RAB3IL1: variants seen among roughly 807,000 people sequenced by gnomAD.
RAB3IL1 encodes the protein RAB3A interacting protein like 1.
Under a neutral mutation model 49.2 loss-of-function variants are expected in RAB3IL1, and 37 were observed. The observed-to-expected ratio is 0.75, with a 90% CI of 0.58 to 0.99. The LOEUF (loss-of-function observed/expected upper bound fraction) is 0.99, where lower values mean the gene tolerates loss of function less well. Among genes scored for constraint, RAB3IL1 ranks in the 50% least tolerant of loss-of-function variants. The pLI, the probability that RAB3IL1 is intolerant of heterozygous loss-of-function variation, is 0.00. For missense variants in RAB3IL1, 484 were observed against 513.0 expected (o/e 0.94, Z 0.55); for synonymous variants, 193 against 213.9 (o/e 0.90, Z 0.85).
chr11:61,899,402 G>A, intron 8 of RAB3IL1, 22 bp from the exon 9 acceptor site: 4 of 1,604,666 alleles, frequency 2.5e-6, no homozygotes, highest in East Asian at 2.2e-5. Flanking sequence ...GGTGGGGACG[G>A]TGTGACCTGC....
intron 5 of RAB3IL1, 25 bp from the exon 6 acceptor site, chr11:61,904,907 G>T: frequency 1.3e-6 from 2 of 1,548,136 alleles, no homozygotes; most frequent in Non-Finnish European, 1.8e-6. Context: ...AAGCGAGGGT[G>T]GGGGCGGTCA....
chr11:61,907,202 C>T (rs892207234), intron 4 of RAB3IL1, among the ~76,000 whole-genome samples, 191 bp downstream of exon 4: 1 of 152,220 alleles, frequency 6.6e-6, no homozygotes, highest in African/African-American at 2.4e-5. Context: ...ACTGATGGAG[C>T]CCCGGGACAC....
At position 61,906,830 on chromosome 11, in the gene RAB3IL1, C is replaced by A; in HGVS notation, c.439-146G>T. Reference sequence around the variant, plus strand: ...GACGCCCTCAGAACAGCCTTCGAGGCAGAGACCCAGACACTCGTTTTACAC... The same window carrying A: ...GACGCCCTCAGAACAGCCTTCGAGGAAGAGACCCAGACACTCGTTTTACAC... On this transcript the variant is annotated intron_variant, in intron 4 of 9. Transcript: ENST00000394836. The surrounding 1 kb of genome is among the most constrained non-coding windows in gnomAD (Gnocchi z 4.6). 1.3e-6 allele frequency: 1 copy of A among 776,940 alleles called. No homozygotes were observed. The highest frequency in any genetic ancestry group is 2.0e-5 in the Admixed American group (1 of 49,232). 48.1% of individuals were successfully genotyped at this position (776,940 alleles called of 1,614,324 possible).
chr11:61,933,749 G>T, the RAB3IL1 span, among the ~76,000 whole-genome samples: 57 of 151,878 alleles, frequency 3.8e-4, no homozygotes, highest in Non-Finnish European at 5.9e-4. Flanking sequence ...GGGTGTGGTG[G>T]CTCACGGCAA....
chr11:61,943,200 A>G, the RAB3IL1 span, among the ~76,000 whole-genome samples: 2 of 152,222 alleles, frequency 1.3e-5, no homozygotes, highest in African/African-American at 2.4e-5. Context: ...TGTATTATCA[A>G]TTGATTTTCA....
chr11:61,927,764 C>T, the RAB3IL1 span, among the ~76,000 whole-genome samples: 2 of 152,096 alleles, frequency 1.3e-5, no homozygotes, highest in Non-Finnish European at 2.9e-5. Flanking sequence ...AGCACCTCCC[C>T]CTTTGCTCTC....
Position 61,904,886 on chromosome 11 carries a change from T to TG in RAB3IL1, c.658-5dup. 5.9e-6 allele frequency: 9 copies of TG among 1,518,236 alleles called. No individual in the cohort carries two copies. The highest frequency in any genetic ancestry group is 8.0e-6 in the Non-Finnish European group (9 of 1,123,482). The allele number at this position is 1,518,236 out of a possible 1,614,324, so 94.0% of individuals were successfully genotyped here. A position where few individuals can be genotyped will look rare whatever the true frequency, so the allele number is the denominator to read the frequency against. On this transcript the variant is annotated splice_region_variant and splice_polypyrimidine_tract_variant and intron_variant, in intron 5 of 9. Coordinates refer to ENST00000394836, the MANE Select transcript of RAB3IL1 (RefSeq NM_013401.4). Reference sequence around the variant, plus strand: ...CTGCAAACAGGATTGTGTCCACCTGTGGGGGAGGGCAAGCGAGGGTGGGGG... The same window carrying TG: ...CTGCAAACAGGATTGTGTCCACCTGTGGGGGGAGGGCAAGCGAGGGTGGGGG...
chr11:61,931,385 A>G, the RAB3IL1 span, among the ~76,000 whole-genome samples: 1 of 152,240 alleles, frequency 6.6e-6, no homozygotes. Context: ...CCCTCCAGAC[A>G]GCCCCTCTAT....
chr11:61,929,523 A>T, the RAB3IL1 span, among the ~76,000 whole-genome samples: 30 of 143,864 alleles, frequency 2.1e-4, no homozygotes, highest in African/African-American at 4.4e-4. Flanking sequence ...CTTTAAAAAA[A>T]TTTAAAAAAA....
Position 61,906,560 on chromosome 11 carries a change from C to A in RAB3IL1, c.563G>T (p.Gly188Val). The change falls in exon 5 of 10, where the codon GGC becomes GTC. Residue 188 changes from glycine to valine, a missense_variant. Coordinates refer to ENST00000394836, the MANE Select transcript of RAB3IL1 (RefSeq NM_013401.4). The surrounding 1 kb of genome is among the most constrained non-coding windows in gnomAD (Gnocchi z 4.6). ...GCTGGTGCTCTTGTGGCGAGAGTGG[C>A]CCTTTCGGGGCCCGGCCTTGGTGGG... ...LSPTKAGPRK[G>V]HSRHKSTSST... The A allele has an allele frequency of 1.9e-6, 3 of 1,590,796 alleles. No individual in the cohort carries two copies. The highest frequency in any genetic ancestry group is 1.7e-6 in the Non-Finnish European group (2 of 1,169,152).
the RAB3IL1 span, among the ~76,000 whole-genome samples, chr11:61,934,917 T>G: frequency 3.9e-5 from 6 of 152,142 alleles, no homozygotes; most frequent in East Asian, 1.2e-3. Context: ...ACAAAATTAG[T>G]TCAGAAAAGT....
At position 61,898,419 on chromosome 11, in the gene RAB3IL1, G is replaced by T. The variant is rs1938723222; in HGVS notation, c.1067-59C>A. On this transcript the variant is annotated intron_variant, in intron 9 of 9. Transcript: ENST00000394836. This position sits in a 1 kb window ranked among gnomAD's most constrained non-coding sequence, Gnocchi z 5.1. ...CAGCTCAGGGTCACCTCGGGCAGAT[G>T]GCCAGGTCCCCTCCTGTGGCTTTGG... 6.9e-7 allele frequency: 1 copy of T among 1,453,960 alleles called. No individual in the cohort carries two copies. The highest frequency in any genetic ancestry group is 9.6e-7 in the Non-Finnish European group (1 of 1,039,350). 90.1% of individuals were successfully genotyped at this position (1,453,960 alleles called of 1,614,324 possible). A position where few individuals can be genotyped will look rare whatever the true frequency, so the allele number is the denominator to read the frequency against.
chr11:61,924,111 A>G (rs1183038851), upstream of RAB3IL1, among the ~76,000 whole-genome samples: 1 of 152,008 alleles, frequency 6.6e-6, no homozygotes, highest in Non-Finnish European at 1.5e-5. Flanking sequence ...TTCACAACAG[A>G]CCTCCTTCGA....
At position 61,903,820 on chromosome 11, in the gene RAB3IL1, C is replaced by T. The variant is rs146581242; in HGVS notation, c.899+726G>A. Among the ~76,000 whole-genome samples the T allele has an allele frequency of 7.6e-4, 115 of 152,194 alleles. 1 individual carries two copies. The highest frequency in any genetic ancestry group is 2.7e-3 in the African/African-American group (112 of 41,526). Reference sequence around the variant, plus strand: ...GATTACAGGTGTGAGCCACTGCACCCGGCCTATTGATGACTTTTGCCGCAC... The same window carrying T: ...GATTACAGGTGTGAGCCACTGCACCTGGCCTATTGATGACTTTTGCCGCAC... On this transcript the variant is annotated intron_variant, in intron 7 of 9. Transcript: ENST00000394836.
the RAB3IL1 span, among the ~76,000 whole-genome samples, chr11:61,930,930 C>A: frequency 6.6e-6 from 1 of 152,030 alleles, no homozygotes; most frequent in East Asian, 1.9e-4. Flanking sequence ...ATAAAATAGC[C>A]TAAAATATTT....
At chr11:61,916,226 G>A (rs1939680237) in intron 1 of RAB3IL1, among the ~76,000 whole-genome samples, 1 of 150,552 alleles carries the variant, frequency 6.6e-6, no homozygotes, top group Admixed American at 6.6e-5. Context: ...TGTGCCTGTA[G>A]TCGCAGCTAC....
upstream of RAB3IL1, among the ~76,000 whole-genome samples, chr11:61,920,956 T>C (rs1201792515): frequency 1.3e-5 from 2 of 152,138 alleles, no homozygotes; most frequent in Non-Finnish European, 2.9e-5. Flanking sequence ...AAAACTGTTA[T>C]TTTTTATTTT....
chr11:61,941,606 G>A, the RAB3IL1 span, among the ~76,000 whole-genome samples: 3 of 152,062 alleles, frequency 2.0e-5, no homozygotes, highest in Admixed American at 6.6e-5. Context: ...CAAAAAATTA[G>A]CCAGGTGTGG....
At chr11:61,943,867 CAATATT>C in the RAB3IL1 span, among the ~76,000 whole-genome samples, 16 of 151,874 alleles carry the variant, frequency 1.1e-4, no homozygotes, top group Non-Finnish European at 2.1e-4. Context: ...GATTGCCCCT[CAATATT>C]AAAATTATAA....
Sources: gnomAD v4.1 joint callset for allele counts (sites outside exome capture counted in the v4.1 genomes callset) on GRCh38, gnomAD v4.1.1 for gene constraint, Gnocchi (gnomAD v3.1) non-coding constraint, MANE v1.5 for transcripts, NCBI Gene and HGNC (gene_info 2026-07-23, HGNC 2026-07-21) for gene names.